Variants in KLF7 observed in about 807,000 individuals in gnomAD.
KLF7 encodes KLF transcription factor 7, also known as Krueppel-like factor 7.
KLF7 carries 2 observed loss-of-function variants against 27.3 expected under a neutral mutation model. The ratio of observed to expected loss-of-function variants is 0.07; its 90% CI spans 0.03 to 0.23. The LOEUF (loss-of-function observed/expected upper bound fraction) is 0.23. Among genes scored for constraint, KLF7 ranks in the 10% least tolerant of loss-of-function variants. KLF7 has a pLI of 1.00. For missense variants in KLF7, 221 were observed against 394.1 expected (o/e 0.56, Z 3.72); for synonymous variants, 165 against 162.4 (o/e 1.02, Z -0.12).
At chr2:207,166,245 A>G (rs1454208595), upstream of KLF7, 5 of 931,498 alleles carry the variant, frequency 5.4e-6, no homozygotes, top group Non-Finnish European at 6.4e-6. Flanking sequence ...GGGAGCCCGG[A>G]GCAGAGCCTG....
intron 1 of KLF7, among the ~76,000 whole-genome samples, chr2:207,133,886 T>C (rs1402405790): frequency 6.6e-6 from 1 of 152,170 alleles, no homozygotes; most frequent in Admixed American, 6.5e-5. Context: ...TAAACATTAA[T>C]TGGCTAGAGA....
chr2:207,125,165 C>G (rs2077446819), intron 1 of KLF7, among the ~76,000 whole-genome samples: 1 of 152,170 alleles, frequency 6.6e-6, no homozygotes, highest in African/African-American at 2.4e-5. Flanking sequence ...CTATTTAGAC[C>G]ACTTAAAGAT....
At chr2:207,147,926 T>C (rs892162153) in intron 1 of KLF7, among the ~76,000 whole-genome samples, 1 of 152,244 alleles carries the variant, frequency 6.6e-6, no homozygotes, top group Admixed American at 6.5e-5. Context: ...AAACCATGTT[T>C]TCCAATAAAG....
At position 207,081,191 on chromosome 2, in the gene KLF7, G is replaced by C; in HGVS notation, c.*22C>G. ...CCTTTAGACACTAGCCGATGCCATG[G>C]CAACTCTGGCCTTTCGGTTTTTTAG... On this transcript the variant is annotated 3_prime_UTR_variant, in exon 4 of 4. Transcript: ENST00000309446. 1.2e-6 allele frequency: 2 copies of C among 1,611,898 alleles called. No individual in the cohort carries two copies. Among genetic ancestry groups the C allele is most frequent in the Non-Finnish European group, 1.7e-6 (2 of 1,177,940 alleles).
rs566997723 is a variant in KLF7, at chr2:207,152,658, C to T, written c.102+12809G>A. The stretch of plus-strand genomic sequence containing the variant: ...AAAGTGAGATGCGATTTGGAAATTG[C>T]TTTATAAAATAGAATCCCAAACAAA... On this transcript the variant is annotated intron_variant, in intron 1 of 3. Coordinates refer to ENST00000309446, the MANE Select transcript of KLF7 (RefSeq NM_003709.4). Among the ~76,000 whole-genome samples, 99 of 152,080 alleles carry T rather than the reference C, an allele frequency of 6.5e-4. 1 individual carries two copies. The highest frequency in any genetic ancestry group is 1.2e-3 in the Non-Finnish European group (82 of 68,028).
chr2:207,109,528 T>C (rs1302901303), intron 2 of KLF7, among the ~76,000 whole-genome samples: 1 of 152,214 alleles, frequency 6.6e-6, no homozygotes, highest in Non-Finnish European at 1.5e-5. Context: ...TGAGAAGACT[T>C]ACCTCATCGG....
At chr2:207,138,288 A>G (rs2077845633) in intron 1 of KLF7, among the ~76,000 whole-genome samples, 3 of 152,200 alleles carry the variant, frequency 2.0e-5, no homozygotes, top group East Asian at 1.9e-4. Context: ...TGTTGTTTCA[A>G]CCTCCAAGGA....
intron 2 of KLF7, among the ~76,000 whole-genome samples, chr2:207,090,010 A>C (rs1372635173): frequency 6.6e-6 from 1 of 152,200 alleles, no homozygotes. Flanking sequence ...CCTTCCCTTT[A>C]AACCTGACTA....
intron 1 of KLF7, among the ~76,000 whole-genome samples, chr2:207,156,950 C>T (rs946768022): frequency 9.9e-5 from 15 of 152,162 alleles, no homozygotes; most frequent in Non-Finnish European, 1.8e-4. Context: ...TGCCTGAAAG[C>T]TTTACAAACA....
At chr2:207,151,272 G>C (rs2078239175) in intron 1 of KLF7, among the ~76,000 whole-genome samples, 1 of 152,118 alleles carries the variant, frequency 6.6e-6, no homozygotes, top group African/African-American at 2.4e-5. Flanking sequence ...ACCATGCCTT[G>C]TGTTAACATG....
chr2:207,087,499 C>T (rs1228205090), intron 3 of KLF7, among the ~76,000 whole-genome samples: 1 of 152,108 alleles, frequency 6.6e-6, no homozygotes, highest in Non-Finnish European at 1.5e-5. Flanking sequence ...ATCCCATTTC[C>T]TCCCAAGAAA....
chr2:207,080,557 C>T lies in KLF7; in HGVS notation c.*656G>A, dbSNP rs541085287. ...CTGCCGCCGCTAAGGCCGTTGGGAT[C>T]GACGCGAAAGATCTCAATAGTACTA... On this transcript the variant is annotated 3_prime_UTR_variant, in exon 4 of 4. Transcript: ENST00000309446. 1.6e-4 allele frequency: 51 copies of T among 317,902 alleles called. No individual in the cohort carries two copies. In the East Asian group the frequency reaches 1.7e-3, roughly 11 times the overall value. The allele number at this position is 317,902 out of a possible 1,614,324, so 19.7% of individuals were successfully genotyped here.
intron 2 of KLF7, among the ~76,000 whole-genome samples, chr2:207,112,805 C>A (rs2077072390): frequency 6.6e-6 from 1 of 152,148 alleles, no homozygotes; most frequent in African/African-American, 2.4e-5. Flanking sequence ...AAGTAATTAC[C>A]TTTTTACCTG....
intron 1 of KLF7, among the ~76,000 whole-genome samples, chr2:207,150,010 T>C (rs369593297): frequency 6.6e-6 from 1 of 152,306 alleles, no homozygotes. Flanking sequence ...GCCACACAGA[T>C]GTCTACTTTC....
chr2:207,096,022 A>G (rs2076620645), intron 2 of KLF7, among the ~76,000 whole-genome samples: 1 of 152,234 alleles, frequency 6.6e-6, no homozygotes, highest in Admixed American at 6.5e-5. Context: ...TCTACGTAGA[A>G]ACCCCATCGA....
At chr2:207,091,154 G>A (rs1484212325) in intron 2 of KLF7, among the ~76,000 whole-genome samples, 1 of 152,192 alleles carries the variant, frequency 6.6e-6, no homozygotes, top group Non-Finnish European at 1.5e-5. Context: ...CAGATAAAAT[G>A]AAGAAGACTG....
chr2:207,162,366 G>T (rs759361607), intron 1 of KLF7, among the ~76,000 whole-genome samples: 1 of 152,152 alleles, frequency 6.6e-6, no homozygotes, highest in Admixed American at 6.5e-5. Context: ...TAAGAATTGC[G>T]CGTCAGCTGA....
chr2:207,106,554 T>C (rs2076888182), intron 2 of KLF7, among the ~76,000 whole-genome samples: 1 of 152,182 alleles, frequency 6.6e-6, no homozygotes, highest in African/African-American at 2.4e-5. Context: ...CTGGTATTTA[T>C]GCATCTACGA....
chr2:207,099,130 CA>C (rs2076698107), intron 2 of KLF7, among the ~76,000 whole-genome samples: 3 of 152,162 alleles, frequency 2.0e-5, no homozygotes, highest in South Asian at 4.1e-4. Flanking sequence ...CAGAGGTTGG[CA>C]AAAGGTGTAC....
Sources: allele counts gnomAD v4.1 joint callset (sites outside exome capture counted in the v4.1 genomes callset), GRCh38; gene constraint gnomAD v4.1.1; transcripts MANE v1.5; gene names NCBI Gene and HGNC (gene_info 2026-07-23, HGNC 2026-07-21).